Variants in CAPS2 observed in about 807,000 individuals in gnomAD.
CAPS2 encodes the protein calcyphosin-2.
A neutral mutation model predicts 86.5 loss-of-function variants in CAPS2; 98 were observed. The ratio of observed to expected loss-of-function variants is 1.13; its 90% CI spans 0.96 to 1.34. The LOEUF (loss-of-function observed/expected upper bound fraction) is 1.34. Ranked by LOEUF, CAPS2 falls within the 40% of genes most tolerant of loss-of-function variation. The pLI is 0.00. For missense variants in CAPS2, 729 were observed against 686.8 expected (o/e 1.06, Z -0.69); for synonymous variants, 210 against 225.1 (o/e 0.93, Z 0.60).
At chr12:75,361,728 A>T (rs1329740640) in intron 1 of CAPS2, among the ~76,000 whole-genome samples, 4 of 152,140 alleles carry the variant, frequency 2.6e-5, no homozygotes, top group Non-Finnish European at 5.9e-5. Flanking sequence ...AAACCATCAG[A>T]TCTCAGTAGA....
At chr12:75,277,927 G>C in exon 17 of CAPS2, 1 of 834,986 alleles carries the variant, frequency 1.2e-6, no homozygotes, top group East Asian at 1.2e-4. Flanking sequence ...TATTTAGAAG[G>C]AAATGTTTCA....
At chr12:75,360,712 C>A (rs1056784422) in intron 1 of CAPS2, 16 of 152,194 alleles carry the variant, frequency 1.1e-4, no homozygotes, top group African/African-American at 3.9e-4. Context: ...AGAATGGTGG[C>A]CCTGTTCTCA....
At chr12:75,337,001 A>G (rs2139242899) in intron 1 of CAPS2, among the ~76,000 whole-genome samples, 2 of 151,956 alleles carry the variant, frequency 1.3e-5, no homozygotes, top group South Asian at 2.1e-4. Context: ...ACATATCTAA[A>G]TGGTCCATAA....
At chr12:75,332,939 A>G (rs916285764), upstream of CAPS2, among the ~76,000 whole-genome samples, 4 of 152,226 alleles carry the variant, frequency 2.6e-5, no homozygotes, top group South Asian at 2.1e-4. Flanking sequence ...GGAACTCTAT[A>G]AAGAGCACTG....
chr12:75,305,346 TA>T, intron 7 of CAPS2: 1 of 318,458 alleles, frequency 3.1e-6, no homozygotes. Flanking sequence ...CACTGATTCT[TA>T]AAAGGTGAGA....
chr12:75,356,330 T>C lies in CAPS2; in HGVS notation c.-394-33108A>G, dbSNP rs1489646086. ...TTATAGATGACTGGAGATGATAAGTTTGTGGATAAATATATAAGATGTTTT... is the reference window on the plus strand; with the variant it reads ...TTATAGATGACTGGAGATGATAAGTCTGTGGATAAATATATAAGATGTTTT... On this transcript the variant is annotated intron_variant, in intron 1 of 5. Transcript: ENST00000551829. Among the ~76,000 whole-genome samples, 6 of 152,242 alleles carry C rather than the reference T, an allele frequency of 3.9e-5. No individual in the cohort carries two copies. The East Asian group carries it at 1.2e-3, about 29-fold the overall frequency.
At chr12:75,387,921 G>A (rs960875722) in intron 1 of CAPS2, among the ~76,000 whole-genome samples, 2 of 152,144 alleles carry the variant, frequency 1.3e-5, no homozygotes, top group Admixed American at 6.5e-5. Flanking sequence ...TCATGCTCAT[G>A]GTATTTATCC....
chr12:75,282,444 T>C (rs986310580), intron 15 of CAPS2, 97 bp from the exon 16 acceptor site: 43 of 780,612 alleles, frequency 5.5e-5, no homozygotes, highest in Admixed American at 5.3e-4. Flanking sequence ...TGGAGTGCAA[T>C]GGCGTGATCT....
chr12:75,306,040 G>A, intron 7 of CAPS2: 1 of 1,471,956 alleles, frequency 6.8e-7, no homozygotes, highest in Non-Finnish European at 9.3e-7. Flanking sequence ...AAGGGCCGCG[G>A]CGCCAGAGAC....
At chr12:75,298,691 T>G in exon 11 of CAPS2, 1 of 1,613,046 alleles carries the variant, frequency 6.2e-7, no homozygotes, top group Non-Finnish European at 8.5e-7. Flanking sequence ...ACTTACAACA[T>G]AAAAATCACC....
At chr12:75,349,792 T>C (rs191538243) in intron 1 of CAPS2, among the ~76,000 whole-genome samples, 148 of 152,178 alleles carry the variant, frequency 9.7e-4, no homozygotes, top group Middle Eastern at 3.4e-3. Flanking sequence ...ATGATTGCCT[T>C]GAGAAACAGA....
At chr12:75,386,163 A>C (rs1219821463) in intron 1 of CAPS2, among the ~76,000 whole-genome samples, 1 of 152,118 alleles carries the variant, frequency 6.6e-6, no homozygotes, top group East Asian at 1.9e-4. Flanking sequence ...AATTATTCTA[A>C]AGTTTATATG....
rs748016719 is a variant in CAPS2 at position 75,284,958 on chromosome 12, T to C, written c.1515+3A>G. 4 of 1,595,964 alleles carry C rather than the reference T, an allele frequency of 2.5e-6. No individual in the cohort carries two copies. Among genetic ancestry groups the C allele is most frequent in the Non-Finnish European group, 2.6e-6 (3 of 1,170,446 alleles). ...AATTTGAAAGATTACTTAACAAAGT[T>C]ACCTTTCGAACATATGATTTCCTGT... is the stretch of plus-strand genomic sequence containing the variant. On this transcript the variant is annotated splice_donor_region_variant and intron_variant, in intron 15 of 16. Coordinates refer to ENST00000393284, the Ensembl canonical transcript of CAPS2.
upstream of CAPS2, among the ~76,000 whole-genome samples, chr12:75,330,943 C>A (rs902950614): frequency 1.9e-4 from 29 of 152,148 alleles, no homozygotes; most frequent in Non-Finnish European, 7.4e-5. Context: ...CACCACCACG[C>A]CCGGTTAATA....
chr12:75,280,061 C>T (rs900981238), intron 16 of CAPS2, among the ~76,000 whole-genome samples: 1 of 151,712 alleles, frequency 6.6e-6, no homozygotes, highest in African/African-American at 2.4e-5. Context: ...CTCTCGGAGA[C>T]CAGAAAATAT....
At chr12:75,294,562 T>C (rs1169053004) in intron 11 of CAPS2, among the ~76,000 whole-genome samples, 2 of 152,162 alleles carry the variant, frequency 1.3e-5, no homozygotes, top group Admixed American at 6.5e-5. Flanking sequence ...TTGCTCTAAG[T>C]GCAGAACCAT....
At chr12:75,334,899 C>T (rs1011652437), upstream of CAPS2, 2 of 1,613,200 alleles carry the variant, frequency 1.2e-6, no homozygotes, top group African/African-American at 2.7e-5. Flanking sequence ...ACATGAAATA[C>T]ATGGTGAGAA....
At chr12:75,305,514 T>C (rs1474875589) in intron 7 of CAPS2, 7 of 611,574 alleles carry the variant, frequency 1.1e-5, no homozygotes, top group Non-Finnish European at 2.2e-5. Flanking sequence ...CCGAGGTGCA[T>C]AGCAACCCTA....
At chr12:75,342,660 G>A (rs968535595) in intron 1 of CAPS2, among the ~76,000 whole-genome samples, 5 of 152,192 alleles carry the variant, frequency 3.3e-5, no homozygotes, top group African/African-American at 9.6e-5. Flanking sequence ...AAGATTGTCT[G>A]AGCTTTACTT....
Sources: gnomAD v4.1 joint callset for allele counts (sites outside exome capture counted in the v4.1 genomes callset) on GRCh38, gnomAD v4.1.1 for gene constraint, MANE v1.5 for transcripts, NCBI Gene and HGNC (gene_info 2026-07-23, HGNC 2026-07-21) for gene names.